The following KIF13A variants were observed in gnomAD, a reference collection of about 807,000 sequenced individuals.
KIF13A encodes the protein kinesin family member 13A.
In KIF13A, 79 loss-of-function variants were observed where a neutral mutation model predicts 212.2. The observed-to-expected ratio is 0.37, with a 90% CI of 0.31 to 0.45. The LOEUF (loss-of-function observed/expected upper bound fraction) is 0.45, where lower values mean the gene tolerates loss of function less well. KIF13A is among the 20% of genes least tolerant of loss of function. The pLI is 1.00. For missense variants in KIF13A, 1,901 were observed against 2,209.0 expected (o/e 0.86, Z 2.79); for synonymous variants, 789 against 808.6 (o/e 0.98, Z 0.41).
At position 17,811,092 on chromosome 6, in the gene KIF13A, A is replaced by G. The variant is rs1052664873; in HGVS notation, c.2001-2162T>C. 1.3e-5 allele frequency among the ~76,000 whole-genome samples: 2 copies of G among 152,086 alleles called. No homozygotes were observed. Among genetic ancestry groups the G allele is most frequent in the African/African-American group, 4.8e-5 (2 of 41,424 alleles). ...TGTTCATGCCAATCTGCCCACCCAAAATGTCCTTCTTACTTTCTCTCTGCT... is the reference window on the plus strand; with the variant it reads ...TGTTCATGCCAATCTGCCCACCCAAGATGTCCTTCTTACTTTCTCTCTGCT... On this transcript the variant is annotated intron_variant, in intron 17 of 38. Transcript: ENST00000259711. The surrounding 1 kb of genome is among the most constrained non-coding windows in gnomAD (Gnocchi z 6.0).
In KIF13A at chr6:17,961,204, CG is replaced by C. The variant is rs148360727; in HGVS notation, c.146+25849del. Among the ~76,000 whole-genome samples the C allele has an allele frequency of 0.051, 7,810 of 152,144 alleles. 282 individuals carry two copies. The highest frequency in any genetic ancestry group is 0.079 in the Non-Finnish European group (5,359 of 67,968). On this transcript the variant is annotated intron_variant, in intron 2 of 38. Coordinates refer to ENST00000259711, the MANE Select transcript of KIF13A (RefSeq NM_022113.6). This position sits in a 1 kb window ranked among gnomAD's most constrained non-coding sequence, Gnocchi z 4.1. ...AGAGCACTTCAAACTGGAGAAAATA[CG>C]GAAGTGGAAACTGGGATGTGCAGCT...
intron 2 of KIF13A, among the ~76,000 whole-genome samples, chr6:17,910,811 G>A (rs552332545): frequency 2.0e-5 from 3 of 152,312 alleles, no homozygotes; most frequent in African/African-American, 7.2e-5. Flanking sequence ...TGCCCAGGCT[G>A]GAGTGCAGTG....
intron 35 of KIF13A, among the ~76,000 whole-genome samples, chr6:17,774,230 C>T (rs1561954454): frequency 1.3e-5 from 2 of 152,164 alleles, no homozygotes; most frequent in Non-Finnish European, 2.9e-5. Context: ...CATCTAGTCT[C>T]TAGCATAGTA....
rs1421053205 is a variant in KIF13A, at chr6:17,781,261, A to G, written c.3585T>C (p.His1195=). Residue 1195 remains histidine, a synonymous_variant, in exon 30 of 39, where the codon CAT becomes CAC. Coordinates refer to ENST00000259711, the MANE Select transcript of KIF13A (RefSeq NM_022113.6). ...LSANEQLVGP[H]ASGVNSILPK... ...GCAGGATGGAGTTCACGCCGGATGCATGGGGGCCAACAAGCTGCTCATTGG... is the reference window on the plus strand; with the variant it reads ...GCAGGATGGAGTTCACGCCGGATGCGTGGGGGCCAACAAGCTGCTCATTGG... 1.2e-6 allele frequency: 2 copies of G among 1,613,266 alleles called. No homozygotes were observed. Among genetic ancestry groups the G allele is most frequent in the Non-Finnish European group, 1.7e-6 (2 of 1,179,670 alleles).
chr6:17,781,162 T>C lies in KIF13A; in HGVS notation c.3669+15A>G, dbSNP rs746469017. 2.5e-6 allele frequency: 4 copies of C among 1,613,794 alleles called. No homozygotes were observed. The highest frequency in any genetic ancestry group is 1.3e-5 in the African/African-American group (1 of 75,004). ...TAATCTGAAGCCTTTTAAGAGAAAC[T>C]TGGGGGTTAATTACCTCATCATCAC... is the stretch of plus-strand genomic sequence containing the variant. On this transcript the variant is annotated intron_variant, in intron 30 of 38. Coordinates refer to ENST00000259711, the MANE Select transcript of KIF13A (RefSeq NM_022113.6).
intron 16 of KIF13A, among the ~76,000 whole-genome samples, chr6:17,818,204 C>T (rs1581406874): frequency 6.6e-6 from 1 of 152,296 alleles, no homozygotes; most frequent in East Asian, 1.9e-4. Context: ...TCAGACCAGC[C>T]TGGGACATGA....
chr6:17,987,329 G>A lies in KIF13A; in HGVS notation c.55+80C>T. ...GCCCCCCGGCCCCGGCCGCGCTCTC[G>A]CCGTCCCGGCCCCGCAGTTTCTAAA... is the stretch of plus-strand genomic sequence containing the variant. On this transcript the variant is annotated intron_variant, in intron 1 of 38. Transcript: ENST00000259711. This position sits in a 1 kb window ranked among gnomAD's most constrained non-coding sequence, Gnocchi z 7.7. The A allele has an allele frequency of 9.3e-7, 1 of 1,080,020 alleles. No homozygotes were observed. Among genetic ancestry groups the A allele is most frequent in the Non-Finnish European group, 1.2e-6 (1 of 830,860 alleles). The allele number at this position is 1,080,020 out of a possible 1,614,324, so 66.9% of individuals were successfully genotyped here.
intron 2 of KIF13A, among the ~76,000 whole-genome samples, chr6:17,901,830 C>A (rs775251773): frequency 6.6e-5 from 10 of 152,052 alleles, no homozygotes; most frequent in Non-Finnish European, 1.5e-4. Flanking sequence ...CCATACTAAA[C>A]ACATATTTTA....
At chr6:17,821,157 G>C (rs990827267) in intron 16 of KIF13A, among the ~76,000 whole-genome samples, 1 of 152,108 alleles carries the variant, frequency 6.6e-6, no homozygotes, top group African/African-American at 2.4e-5. Flanking sequence ...CATTGCGCTT[G>C]GCAAAGTTGC....
Position 17,843,848 on chromosome 6 carries a change from C to T in KIF13A, c.830+5529G>A, listed in dbSNP as rs1255747221. On this transcript the variant is annotated intron_variant, in intron 9 of 38. Transcript: ENST00000259711. This position sits in a 1 kb window ranked among gnomAD's most constrained non-coding sequence, Gnocchi z 5.3. ...TCACCTGAGGTCAGGAGTTTGAGAC[C>T]AGCCTGGCCAACATGGTGAAACCCT... Among the ~76,000 whole-genome samples the T allele has an allele frequency of 6.6e-6, 1 of 151,980 alleles. No homozygotes were observed. The highest frequency in any genetic ancestry group is 1.5e-5 in the Non-Finnish European group (1 of 67,996).
chr6:17,986,075 C>A (rs1470831101), intron 2 of KIF13A, among the ~76,000 whole-genome samples: 1 of 152,220 alleles, frequency 6.6e-6, no homozygotes, highest in Non-Finnish European at 1.5e-5. Flanking sequence ...GCTTCAGAGT[C>A]TCTCTTCAGT....
chr6:17,873,309 A>C, intron 4 of KIF13A, 68 bp downstream of exon 4: 1 of 1,057,824 alleles, frequency 9.5e-7, no homozygotes. Flanking sequence ...AGAGGAATTA[A>C]AGAAAATAAA....
intron 29 of KIF13A, among the ~76,000 whole-genome samples, chr6:17,782,324 G>A (rs936478009): frequency 3.5e-4 from 53 of 152,058 alleles, no homozygotes; most frequent in African/African-American, 1.2e-3. Context: ...TGTTGTCCTA[G>A]GTACAAATAT....
chr6:17,869,019 A>AAAAAAAAAAACAAAAAAAAAAAAAAAAC (rs1554187445), intron 4 of KIF13A, among the ~76,000 whole-genome samples: 1 of 126,514 alleles, frequency 7.9e-6, no homozygotes, highest in African/African-American at 2.9e-5. Context: ...AAAAAAAAAA[A>AAAAAAAAAAACAAAAAAAAAAAAAAAAC]ACACAAATAA....
intron 2 of KIF13A, among the ~76,000 whole-genome samples, chr6:17,936,712 C>G (rs1776500017): frequency 6.6e-6 from 1 of 152,010 alleles, no homozygotes; most frequent in African/African-American, 2.4e-5. Flanking sequence ...TCATAAAAGT[C>G]AGTAATGCAA....
intron 2 of KIF13A, among the ~76,000 whole-genome samples, chr6:17,957,904 A>G (rs965123527): frequency 6.6e-6 from 1 of 152,198 alleles, no homozygotes; most frequent in East Asian, 1.9e-4. Context: ...ACATTGTCAT[A>G]AAGCTTAACA....
At position 17,838,763 on chromosome 6, in the gene KIF13A, G is replaced by A. The variant is rs1188358777; in HGVS notation, c.831-1180C>T. On this transcript the variant is annotated intron_variant, in intron 9 of 38. Transcript: ENST00000259711. This position sits in a 1 kb window ranked among gnomAD's most constrained non-coding sequence, Gnocchi z 4.2. ...GACATAGAGACTGGAATGGACAATG[G>A]AGACTTGGAAGGGTGAGGGAGTGGA... Among the ~76,000 whole-genome samples the A allele has an allele frequency of 2.0e-5, 3 of 152,192 alleles. No individual in the cohort carries two copies. Among genetic ancestry groups the A allele is most frequent in the Non-Finnish European group, 4.4e-5 (3 of 68,030 alleles).
chr6:17,846,366 A>T (rs897751015), intron 9 of KIF13A, among the ~76,000 whole-genome samples: 1 of 152,124 alleles, frequency 6.6e-6, no homozygotes, highest in Non-Finnish European at 1.5e-5. Flanking sequence ...TGAGACTCTC[A>T]GAGTGTATGA....
rs1353959319 is a variant in KIF13A at position 17,856,865 on chromosome 6, T to C, written c.221-743A>G. Among the ~76,000 whole-genome samples, 5 of 152,158 alleles carry C rather than the reference T, an allele frequency of 3.3e-5. No homozygotes were observed. The highest frequency in any genetic ancestry group is 5.9e-5 in the Non-Finnish European group (4 of 68,024). ...ATCACTAAGACAATTAGACTTATGT[T>C]CTCCTTCCTGTCTTCTTATAGTCCT... is the stretch of plus-strand genomic sequence containing the variant. On this transcript the variant is annotated intron_variant, in intron 4 of 38. Transcript: ENST00000259711. The surrounding 1 kb of genome is among the most constrained non-coding windows in gnomAD (Gnocchi z 4.5).
Sources: allele counts gnomAD v4.1 joint callset (sites outside exome capture counted in the v4.1 genomes callset), GRCh38; gene constraint gnomAD v4.1.1; non-coding constraint Gnocchi (gnomAD v3.1); transcripts MANE v1.5; gene names NCBI Gene and HGNC (gene_info 2026-07-23, HGNC 2026-07-21).